DCTN5: variants seen among roughly 807,000 people sequenced by gnomAD.
DCTN5 encodes the protein dynactin subunit 5.
A neutral mutation model predicts 23.5 loss-of-function variants in DCTN5; 14 were observed. The observed-to-expected ratio is 0.60, with a 90% CI of 0.39 to 0.93. The LOEUF (loss-of-function observed/expected upper bound fraction) is 0.93. Among genes scored for constraint, DCTN5 ranks in the 40% least tolerant of loss-of-function variants. The pLI is 0.00. For synonymous variants in DCTN5, 67 were observed against 79.6 expected, an observed-to-expected ratio of 0.84 and a Z score of 0.84; for missense variants, 156 against 225.9, an observed-to-expected ratio of 0.69 and a Z score of 1.98.
intron 2 of DCTN5, among the ~76,000 whole-genome samples, chr16:23,657,021 A>G (rs998854284): frequency 2.0e-5 from 3 of 151,722 alleles, no homozygotes; most frequent in Non-Finnish European, 4.4e-5. Context: ...CTCATTATCT[A>G]TTTTTACCTT....
At chr16:23,666,275 A>G (rs1158396700) in intron 5 of DCTN5, among the ~76,000 whole-genome samples, 1 of 152,210 alleles carries the variant, frequency 6.6e-6, no homozygotes, top group Non-Finnish European at 1.5e-5. Context: ...TACATTCCAC[A>G]TGGCCCAGGA....
At chr16:23,645,083 C>CTATATATATATATA (rs869302728) in intron 2 of DCTN5, among the ~76,000 whole-genome samples, 1 of 33,122 alleles carries the variant, frequency 3.0e-5, no homozygotes, top group Non-Finnish European at 5.3e-5. Context: ...CCCAGCCTAA[C>CTATATATATATATA]TATATATATA....
In DCTN5 at chr16:23,669,738, C is replaced by T. The variant is rs1368707915; in HGVS notation, c.*2594C>T. On this transcript the variant is annotated 3_prime_UTR_variant, in exon 6 of 6. Coordinates refer to ENST00000300087, the MANE Select transcript of DCTN5 (RefSeq NM_032486.4). ...ACCCTCTGCCCAATCTCTCATTACT[C>T]CTGGTCTTGGGAGTTGCCTTCTGAG... 1 of 152,356 alleles carries T rather than the reference C, an allele frequency of 6.6e-6. No homozygotes were observed. The highest frequency in any genetic ancestry group is 1.5e-5 in the Non-Finnish European group (1 of 68,194). The allele number at this position is 152,356 out of a possible 1,614,324, so 9.4% of individuals were successfully genotyped here. A position where few individuals can be genotyped will look rare whatever the true frequency, so the allele number is the denominator to read the frequency against.
chr16:23,647,138 T>TTTTTTTTTTGTTTTTTTTG (rs533811000), intron 2 of DCTN5, among the ~76,000 whole-genome samples: 6,336 of 143,436 alleles, frequency 0.044, 215 homozygotes, highest in African/African-American at 0.11. Flanking sequence ...TTTTCTGGTT[T>TTTTTTTTTTGTTTTTTTTG]TTTTTTTTTT....
intron 2 of DCTN5, among the ~76,000 whole-genome samples, chr16:23,649,661 G>C (rs1191652655): frequency 6.6e-6 from 1 of 151,974 alleles, no homozygotes; most frequent in Non-Finnish European, 1.5e-5. Context: ...TGGCCAACAT[G>C]GTGAAACCCA....
intron 2 of DCTN5, among the ~76,000 whole-genome samples, chr16:23,645,127 ATATATATATATT>A (rs1414111332): frequency 2.2e-4 from 6 of 27,110 alleles, no homozygotes; most frequent in South Asian, 2.3e-3. Context: ...ATATATATAT[ATATATATATATT>A]TTTTTTTTTT....
At chr16:23,648,330 T>TTTTTTTC (rs981050736) in intron 2 of DCTN5, among the ~76,000 whole-genome samples, 4,306 of 145,380 alleles carry the variant, frequency 0.03, 157 homozygotes, top group African/African-American at 0.069. Context: ...CTGGCTAATT[T>TTTTTTTC]TTTTTTCTTT....
intron 2 of DCTN5, chr16:23,657,687 C>T: frequency 4.4e-6 from 1 of 226,760 alleles, no homozygotes. Flanking sequence ...GGCAATCCAC[C>T]TGCTTCGGCC....
intron 2 of DCTN5, among the ~76,000 whole-genome samples, chr16:23,657,289 C>G (rs999234333): frequency 1.3e-5 from 2 of 152,172 alleles, no homozygotes; most frequent in African/African-American, 2.4e-5. Context: ...GACTCCATCT[C>G]TACAAAACAT....
At chr16:23,650,618 C>A in intron 2 of DCTN5, 1 of 777,220 alleles carries the variant, frequency 1.3e-6, no homozygotes, top group Non-Finnish European at 2.0e-6. Flanking sequence ...AGCCACTGCA[C>A]CCGGCTGGCC....
rs764585676 is a variant in DCTN5 at position 23,670,211 on chromosome 16, T to C, written c.*3067T>C. The C allele has an allele frequency of 4.6e-5, 7 of 152,246 alleles. No individual in the cohort carries two copies. The highest frequency in any genetic ancestry group is 1.0e-4 in the Non-Finnish European group (7 of 68,086). 9.4% of individuals were successfully genotyped at this position (152,246 alleles called of 1,614,324 possible). On this transcript the variant is annotated 3_prime_UTR_variant, in exon 6 of 6. Transcript: ENST00000300087. ...ACCTGCTGCAGGGAACAAAGGTGAA[T>C]GATTGTCTTGTGAGCCTCCTGTTGA...
intron 1 of DCTN5, 128 bp from the exon 2 acceptor site, chr16:23,642,827 C>A: frequency 1.3e-6 from 1 of 744,732 alleles, no homozygotes. Context: ...ATATCCTGGA[C>A]TCACTCCATT....
intron 2 of DCTN5, among the ~76,000 whole-genome samples, chr16:23,653,305 A>G (rs751636921): frequency 6.6e-6 from 1 of 152,182 alleles, no homozygotes; most frequent in Non-Finnish European, 1.5e-5. Flanking sequence ...ACTTCAAACT[A>G]CTACAGGGCT....
chr16:23,662,648 C>T (rs1194503649), intron 4 of DCTN5, among the ~76,000 whole-genome samples: 1 of 152,150 alleles, frequency 6.6e-6, no homozygotes, highest in Non-Finnish European at 1.5e-5. Flanking sequence ...AGTTCACATT[C>T]CAGGAGCTAT....
chr16:23,661,498 C>T (rs1967811009), intron 4 of DCTN5, among the ~76,000 whole-genome samples: 1 of 146,640 alleles, frequency 6.8e-6, no homozygotes, highest in Non-Finnish European at 1.5e-5. Context: ...GTGGGCAGAT[C>T]ACTTGAGGTC....
Position 23,665,630 on chromosome 16 carries a change from G to T in DCTN5, c.353G>T (p.Arg118Leu). The T allele has an allele frequency of 6.2e-7, 1 of 1,612,010 alleles. No individual in the cohort carries two copies. Among genetic ancestry groups the T allele is most frequent in the Non-Finnish European group, 8.5e-7 (1 of 1,179,570 alleles). ...TTAACAAGATTTTAATTTCAGGGGCGCCGATGTGTGTTGAAAGACTGCTGC... is the reference window on the plus strand; with the variant it reads ...TTAACAAGATTTTAATTTCAGGGGCTCCGATGTGTGTTGAAAGACTGCTGC... ...VHVGKNCVIG[R>L]RCVLKDCCKI... The change falls in exon 5 of 6, where the codon CGC (arginine) becomes CTC (leucine). Residue 118 changes from arginine to leucine, a missense_variant. Arg to Leu is a moderately radical substitution (Grantham distance 102). Transcript: ENST00000300087.
chr16:23,643,707 T>A (rs2140969027), intron 2 of DCTN5, among the ~76,000 whole-genome samples: 1 of 152,110 alleles, frequency 6.6e-6, no homozygotes, highest in South Asian at 2.1e-4. Context: ...TTAGTAAAAA[T>A]TAATAATTCA....
At chr16:23,646,021 A>G (rs1967450752) in intron 2 of DCTN5, among the ~76,000 whole-genome samples, 1 of 152,192 alleles carries the variant, frequency 6.6e-6, no homozygotes, top group Non-Finnish European at 1.5e-5. Flanking sequence ...TTTTTCCAAA[A>G]TGGCTGCACC....
chr16:23,669,302 G>C lies in DCTN5; in HGVS notation c.*2158G>C, dbSNP rs1967963497. The C allele has an allele frequency of 6.6e-6, 1 of 152,236 alleles. No homozygotes were observed. Among genetic ancestry groups the C allele is most frequent in the African/African-American group, 2.4e-5 (1 of 41,434 alleles). The allele number at this position is 152,236 out of a possible 1,614,324, so 9.4% of individuals were successfully genotyped here. On this transcript the variant is annotated 3_prime_UTR_variant, in exon 6 of 6. Coordinates refer to ENST00000300087, the MANE Select transcript of DCTN5 (RefSeq NM_032486.4). ...AAGGATGGGCTAGATTGGGCTTCAG[G>C]CTGCATCCCAGGACTCCAAACAGGG... is the stretch of plus-strand genomic sequence containing the variant.
Sources: allele counts gnomAD v4.1 joint callset (sites outside exome capture counted in the v4.1 genomes callset), GRCh38; gene constraint gnomAD v4.1.1; transcripts MANE v1.5; gene names NCBI Gene and HGNC (gene_info 2026-07-23, HGNC 2026-07-21).